Variants in SENP1 observed in about 807,000 individuals in gnomAD.
The protein encoded by SENP1 is SUMO specific peptidase 1.
SENP1 carries 21 observed loss-of-function variants against 93.0 expected under a neutral mutation model. The observed-to-expected ratio is 0.23, with a 90% CI of 0.16 to 0.33. SENP1 has a LOEUF of 0.33. Among genes scored for constraint, SENP1 ranks in the 10% least tolerant of loss-of-function variants. SENP1 has a pLI of 1.00. For missense variants in SENP1, 591 were observed against 758.7 expected, an observed-to-expected ratio of 0.78 and a Z score of 2.60; for synonymous variants, 256 against 259.6, an observed-to-expected ratio of 0.99 and a Z score of 0.13.
intron 4 of SENP1, chr12:48,089,411 T>A: frequency 9.3e-7 from 1 of 1,070,700 alleles, no homozygotes; most frequent in Non-Finnish European, 1.2e-6. Flanking sequence ...TTCGTTTTAG[T>A]TACCATGTTC....
At chr12:48,051,197 A>AG (rs1941789786) in intron 13 of SENP1, among the ~76,000 whole-genome samples, 1 of 152,088 alleles carries the variant, frequency 6.6e-6, no homozygotes. Flanking sequence ...ACACAGCCTG[A>AG]GTTTTGCTTG....
intron 6 of SENP1, among the ~76,000 whole-genome samples, chr12:48,079,493 C>T (rs569050206): frequency 4.6e-5 from 7 of 151,856 alleles, no homozygotes; most frequent in Admixed American, 4.6e-4. Flanking sequence ...AACAAGACTC[C>T]GTCTCAAATA....
intron 13 of SENP1, among the ~76,000 whole-genome samples, chr12:48,049,998 AACG>A (rs1311137352): frequency 3.3e-5 from 5 of 152,208 alleles, no homozygotes; most frequent in Admixed American, 2.6e-4. Context: ...TTGTTAATGA[AACG>A]ACATCTTCTC....
At chr12:48,071,642 A>T (rs72644844) in intron 9 of SENP1, 25 bp downstream of exon 9, 5 of 1,516,972 alleles carry the variant, frequency 3.3e-6, no homozygotes, top group Non-Finnish European at 4.6e-6. Flanking sequence ...TAATTAATAA[A>T]GAACAAGCTT....
At chr12:48,085,715 C>CAAAAAAAAAAA (rs200416260) in intron 5 of SENP1, among the ~76,000 whole-genome samples, 1 of 116,318 alleles carries the variant, frequency 8.6e-6, no homozygotes, top group Non-Finnish European at 1.8e-5. Context: ...TTGCTTCTCT[C>CAAAAAAAAAAA]AAAAAAAAAA....
At chr12:48,072,535 T>A (rs1279913691) in intron 8 of SENP1, among the ~76,000 whole-genome samples, 1 of 152,156 alleles carries the variant, frequency 6.6e-6, no homozygotes, top group Non-Finnish European at 1.5e-5. Flanking sequence ...CAGAATCGCT[T>A]GAACCCAGGA....
At chr12:48,098,195 T>C in intron 2 of SENP1, 71 bp from the exon 3 acceptor site, 2 of 1,480,496 alleles carry the variant, frequency 1.4e-6, no homozygotes, top group Non-Finnish European at 9.2e-7. Flanking sequence ...AACCAATCTT[T>C]TCACCTAATA....
At chr12:48,063,213 A>C (rs1474404668) in intron 13 of SENP1, among the ~76,000 whole-genome samples, 1 of 152,180 alleles carries the variant, frequency 6.6e-6, no homozygotes, top group Non-Finnish European at 1.5e-5. Context: ...TAACTTTTTC[A>C]ATGTCCATTT....
chr12:48,096,511 A>T (rs1394519248), intron 3 of SENP1, 84 bp from the exon 4 acceptor site: 2 of 794,954 alleles, frequency 2.5e-6, no homozygotes, highest in East Asian at 5.4e-5. Flanking sequence ...GCTGGAGTAC[A>T]CCGGCACAAT....
chr12:48,063,730 G>A lies in SENP1; in HGVS notation c.1387C>T (p.Leu463=). Residue 463 remains leucine (L), a synonymous_variant, in exon 13 of 18, where the codon CTG becomes TTG. Transcript: ENST00000549518. The stretch of plus-strand genomic sequence containing the variant: ...ATTACCTCATCATTGAGCCAATTCA[G>A]ATGGTTTAGAGTTTGAATATCTTTG... ...TRKDIQTLNH[L]NWLNDEIINF... 2.5e-6 allele frequency: 4 copies of A among 1,612,836 alleles called. No homozygotes were observed. Among genetic ancestry groups the A allele is most frequent in the Non-Finnish European group, 3.4e-6 (4 of 1,179,234 alleles).
At chr12:48,099,474 T>C (rs1182575016) in intron 2 of SENP1, among the ~76,000 whole-genome samples, 1 of 152,206 alleles carries the variant, frequency 6.6e-6, no homozygotes, top group African/African-American at 2.4e-5. Flanking sequence ...TAACACACAC[T>C]GTTAACACTG....
At chr12:48,083,162 C>T (rs1398280559) in intron 6 of SENP1, among the ~76,000 whole-genome samples, 1 of 152,200 alleles carries the variant, frequency 6.6e-6, no homozygotes, top group African/African-American at 2.4e-5. Flanking sequence ...GTCTTGGCCT[C>T]CCACTGTGCT....
chr12:48,043,147 T>C lies in SENP1; in HGVS notation c.*2175A>G, dbSNP rs1941105610. 1 of 152,620 alleles carries C rather than the reference T, an allele frequency of 6.6e-6. No individual in the cohort carries two copies. Among genetic ancestry groups the C allele is most frequent in the African/African-American group, 2.4e-5 (1 of 41,442 alleles). 9.5% of individuals were successfully genotyped at this position (152,620 alleles called of 1,614,324 possible). On this transcript the variant is annotated 3_prime_UTR_variant, in exon 18 of 18. Coordinates refer to ENST00000549518, the MANE Select transcript of SENP1 (RefSeq NM_001267594.2). ...GTAAGATGGTCTCAGGGTCACTAAC[T>C]TCTACCTTGTGCAAAACTGCATTAG...
intron 5 of SENP1, among the ~76,000 whole-genome samples, chr12:48,084,446 A>AG (rs1356126115): frequency 1.3e-5 from 1 of 76,110 alleles, no homozygotes; most frequent in Non-Finnish European, 2.5e-5. Context: ...ACTAATTTTG[A>AG]GTTTTTTTTT....
At chr12:48,074,886 A>G (rs1943957140) in intron 6 of SENP1, 93 bp from the exon 7 acceptor site, 1 of 806,280 alleles carries the variant, frequency 1.2e-6, no homozygotes, top group Non-Finnish European at 2.0e-6. Context: ...TAGCTCTGCC[A>G]AAGCTCAGGC....
At position 48,102,810 on chromosome 12, in the gene SENP1, C is replaced by CAA. The variant is rs1221712691; in HGVS notation, c.-44-1296_-44-1295dup. On this transcript the variant is annotated intron_variant, in intron 1 of 17. Coordinates refer to ENST00000549518, the MANE Select transcript of SENP1 (RefSeq NM_001267594.2). ...TGGGCGACAGGGCGAGACTCCGTCT[C>CAA]AAAAAAAAAAAAAAAAAAAAGTTTT... Among the ~76,000 whole-genome samples, 71 of 82,846 alleles carry CAA rather than the reference C, an allele frequency of 8.6e-4. 1 individual carries two copies. The highest frequency in any genetic ancestry group is 1.3e-3 in the African/African-American group (33 of 25,134). 54.4% of individuals were successfully genotyped at this position (82,846 alleles called of 152,430 possible).
chr12:48,096,455 G>T, intron 3 of SENP1, 28 bp from the exon 4 acceptor site: 6 of 1,460,852 alleles, frequency 4.1e-6, no homozygotes, highest in Non-Finnish European at 5.7e-6. Flanking sequence ...TTTTTCTTAA[G>T]TCACATTTTT....
intron 16 of SENP1, 24 bp from the exon 17 acceptor site, chr12:48,046,475 AT>A (rs760683000): frequency 6.8e-7 from 1 of 1,462,850 alleles, no homozygotes; most frequent in South Asian, 1.1e-5. Context: ...AACAAAAAAA[AT>A]GACATCTTTC....
chr12:48,085,497 C>T, intron 5 of SENP1: 1 of 553,828 alleles, frequency 1.8e-6, no homozygotes, highest in Non-Finnish European at 3.1e-6. Context: ...TTGCCATCAG[C>T]CTTCTTTACA....
Sources: allele counts gnomAD v4.1 joint callset (sites outside exome capture counted in the v4.1 genomes callset), GRCh38; gene constraint gnomAD v4.1.1; transcripts MANE v1.5; gene names NCBI Gene and HGNC (gene_info 2026-07-23, HGNC 2026-07-21).